Variants in GRM8 observed in about 807,000 individuals in gnomAD.
GRM8 encodes metabotropic glutamate receptor 8.
Under a neutral mutation model 87.2 loss-of-function variants are expected in GRM8, and 47 were observed. The observed-to-expected ratio is 0.54, with a 90% CI of 0.43 to 0.69. The LOEUF (loss-of-function observed/expected upper bound fraction) is 0.69. Among genes scored for constraint, GRM8 ranks in the 30% least tolerant of loss-of-function variants. The pLI, the probability that GRM8 is intolerant of heterozygous loss-of-function variation, is 0.00. For synonymous variants in GRM8, 396 were observed against 404.5 expected, an observed-to-expected ratio of 0.98 and a Z score of 0.25; for missense variants, 1,019 against 1,139.2, an observed-to-expected ratio of 0.89 and a Z score of 1.52.
At chr7:126,838,340 C>T (rs928155841) in intron 6 of GRM8, among the ~76,000 whole-genome samples, 3 of 152,202 alleles carry the variant, frequency 2.0e-5, no homozygotes, top group African/African-American at 7.2e-5. Context: ...TAGCCAAGTA[C>T]TGGTAATATC....
intron 9 of GRM8, among the ~76,000 whole-genome samples, chr7:126,458,118 AT>A (rs1346885756): frequency 6.6e-6 from 1 of 151,112 alleles, no homozygotes; most frequent in Admixed American, 6.6e-5. Context: ...ATGAAAAAAA[AT>A]GAGAGAAAAC....
intron 2 of GRM8, among the ~76,000 whole-genome samples, chr7:127,135,334 G>C (rs1827890107): frequency 6.6e-6 from 1 of 151,922 alleles, no homozygotes; most frequent in South Asian, 2.1e-4. Context: ...ACTAAAGCAG[G>C]TGTACAGAAA....
intron 6 of GRM8, among the ~76,000 whole-genome samples, chr7:126,787,702 T>A (rs559603892): frequency 6.6e-6 from 1 of 152,274 alleles, no homozygotes; most frequent in East Asian, 1.9e-4. Context: ...ATGTTTCTGT[T>A]CTTTCTTACT....
intron 10 of GRM8, among the ~76,000 whole-genome samples, chr7:126,440,992 A>G (rs1801409734): frequency 6.6e-6 from 1 of 152,128 alleles, no homozygotes; most frequent in Non-Finnish European, 1.5e-5. Flanking sequence ...ATTTGCACAT[A>G]TGTAAAATGA....
intron 3 of GRM8, among the ~76,000 whole-genome samples, chr7:127,004,147 C>A (rs1383817468): frequency 6.6e-6 from 1 of 151,386 alleles, no homozygotes; most frequent in Non-Finnish European, 1.5e-5. Context: ...GTGGCTCTTA[C>A]CTTTTAAAAA....
chr7:126,564,594 A>T (rs750481628), intron 8 of GRM8, among the ~76,000 whole-genome samples: 1 of 152,174 alleles, frequency 6.6e-6, no homozygotes, highest in Non-Finnish European at 1.5e-5. Context: ...GTAATAAAAA[A>T]TGTCCCTACA....
chr7:127,150,857 A>G (rs928039080), intron 2 of GRM8, among the ~76,000 whole-genome samples: 6 of 152,100 alleles, frequency 3.9e-5, no homozygotes, highest in African/African-American at 9.6e-5. Flanking sequence ...GAAACCCTCC[A>G]GATGTTAGTA....
chr7:127,105,732 C>T (rs1046212963), intron 3 of GRM8, among the ~76,000 whole-genome samples: 1 of 152,128 alleles, frequency 6.6e-6, no homozygotes, highest in Non-Finnish European at 1.5e-5. Context: ...TAAGTAACAA[C>T]AACATACTTA....
intron 3 of GRM8, among the ~76,000 whole-genome samples, chr7:127,066,283 T>G (rs1821100685): frequency 6.6e-6 from 1 of 152,214 alleles, no homozygotes; most frequent in South Asian, 2.1e-4. Flanking sequence ...CCTTTTATAA[T>G]GCTTATACCT....
rs1413454010 is a variant in GRM8 at position 127,234,491 on chromosome 7, T to A, written c.510+8204A>T. ...ATATGAACAGAAATCCAACCAGGTGTGTGTCAAAAGAAAAAAGCTGCTGCC... is the reference window on the plus strand; with the variant it reads ...ATATGAACAGAAATCCAACCAGGTGAGTGTCAAAAGAAAAAAGCTGCTGCC... On this transcript the variant is annotated intron_variant, in intron 2 of 10. Transcript: ENST00000339582. Among the ~76,000 whole-genome samples, 3 of 152,230 alleles carry A rather than the reference T, an allele frequency of 2.0e-5. No individual in the cohort carries two copies. In the East Asian group the frequency reaches 5.8e-4, roughly 29 times the overall value.
chr7:127,124,231 A>G (rs1250830963), intron 2 of GRM8, among the ~76,000 whole-genome samples: 1 of 151,960 alleles, frequency 6.6e-6, no homozygotes, highest in Non-Finnish European at 1.5e-5. Context: ...CTTACCTCCC[A>G]CTCACTTTTC....
At chr7:126,853,565 A>G (rs2237773) in intron 6 of GRM8, among the ~76,000 whole-genome samples, 27,867 of 152,114 alleles carry the variant, frequency 0.18, 2,893 homozygotes, top group East Asian at 0.5. Flanking sequence ...CCCATTCTAC[A>G]TAAGTAATCT....
At chr7:126,909,517 G>T (rs1165163779) in intron 3 of GRM8, among the ~76,000 whole-genome samples, 1 of 152,152 alleles carries the variant, frequency 6.6e-6, no homozygotes, top group African/African-American at 2.4e-5. Context: ...TTCCTATTCT[G>T]CAGGGGTGTT....
At chr7:126,867,171 A>T (rs1798672838) in intron 6 of GRM8, among the ~76,000 whole-genome samples, 1 of 152,162 alleles carries the variant, frequency 6.6e-6, no homozygotes, top group South Asian at 2.1e-4. Flanking sequence ...AACTAAAAGG[A>T]GACATTATTG....
chr7:126,446,069 A>C, intron 10 of GRM8, 57 bp downstream of exon 10: 1 of 1,600,082 alleles, frequency 6.2e-7, no homozygotes, highest in Non-Finnish European at 8.6e-7. Context: ...TGTTCAACGT[A>C]CATCTATTAG....
At chr7:126,953,315 A>G (rs967446888) in intron 3 of GRM8, among the ~76,000 whole-genome samples, 10 of 152,128 alleles carry the variant, frequency 6.6e-5, no homozygotes, top group African/African-American at 2.2e-4. Flanking sequence ...CTTGAATTCA[A>G]CACACTGAGG....
intron 7 of GRM8, among the ~76,000 whole-genome samples, chr7:126,741,896 C>T (rs1411439785): frequency 2.0e-5 from 3 of 152,020 alleles, no homozygotes; most frequent in African/African-American, 7.2e-5. Flanking sequence ...AAGAGTACCA[C>T]CTTCAGAGAG....
intron 7 of GRM8, among the ~76,000 whole-genome samples, chr7:126,635,448 C>A (rs1421365846): frequency 6.6e-6 from 1 of 152,110 alleles, no homozygotes; most frequent in African/African-American, 2.4e-5. Flanking sequence ...ACTCATACGA[C>A]CCTTTACTTT....
At chr7:127,047,084 C>T (rs1428008980) in intron 3 of GRM8, among the ~76,000 whole-genome samples, 1 of 152,154 alleles carries the variant, frequency 6.6e-6, no homozygotes, top group Non-Finnish European at 1.5e-5. Context: ...ATACATTGGG[C>T]CAGGGGTCAG....
Sources: allele counts gnomAD v4.1 joint callset (sites outside exome capture counted in the v4.1 genomes callset), GRCh38; gene constraint gnomAD v4.1.1; transcripts MANE v1.5; gene names NCBI Gene and HGNC (gene_info 2026-07-23, HGNC 2026-07-21).